The following HCRTR2 variants were observed in gnomAD, a reference collection of about 807,000 sequenced individuals.
The protein encoded by HCRTR2 is hypocretin receptor 2.
HCRTR2 carries 22 observed loss-of-function variants against 49.0 expected under a neutral mutation model. The observed-to-expected ratio is 0.45, with a 90% CI of 0.32 to 0.64. The LOEUF is 0.64. Among genes scored for constraint, HCRTR2 ranks in the 30% least tolerant of loss-of-function variants. The probability of loss-of-function intolerance (pLI) is 0.04; values close to 1 mark genes in which losing one functional copy is unlikely to be tolerated. For missense variants in HCRTR2, 491 were observed against 559.4 expected (o/e 0.88, Z 1.23); for synonymous variants, 236 against 205.3 (o/e 1.15, Z -1.28).
At chr6:55,275,062 T>C (rs1767052145) in intron 4 of HCRTR2, among the ~76,000 whole-genome samples, 1 of 152,150 alleles carries the variant, frequency 6.6e-6, no homozygotes, top group Admixed American at 6.5e-5. Context: ...GGCAAATTCA[T>C]TGTTTATTCA....
intron 1 of HCRTR2, among the ~76,000 whole-genome samples, chr6:55,182,372 G>GGTA (rs1194199011): frequency 6.6e-6 from 1 of 152,200 alleles, no homozygotes; most frequent in Non-Finnish European, 1.5e-5. Flanking sequence ...GGAGCTTACA[G>GGTA]CTTCTGGCTC....
rs546052891 is a variant in HCRTR2 at position 55,158,043 on chromosome 6, G to T, written c.-377-16168G>T. ...AGATGGCTGAATAGGAACAGCTCTG[G>T]TCTGCAGCTCCCAGTGAGATCAGTG... On this transcript the variant is annotated intron_variant, in intron 1 of 7. Coordinates refer to the HCRTR2 transcript ENST00000615358. Among the ~76,000 whole-genome samples the T allele has an allele frequency of 2.0e-5, 3 of 152,288 alleles. No homozygotes were observed. In the South Asian group the frequency reaches 6.2e-4, roughly 32 times the overall value.
chr6:55,132,196 G>A lies in HCRTR2; in HGVS notation c.-378+25651G>A, dbSNP rs1764368189. 2.0e-5 allele frequency among the ~76,000 whole-genome samples: 3 copies of A among 151,768 alleles called. No homozygotes were observed. The South Asian group carries it at 6.2e-4, about 31-fold the overall frequency. ...GTCTATTAAACACATACATATATATGATTTGTTAATTTAATAACAAGTTGT... is the reference window on the plus strand; with the variant it reads ...GTCTATTAAACACATACATATATATAATTTGTTAATTTAATAACAAGTTGT... On this transcript the variant is annotated intron_variant, in intron 1 of 7. Transcript: ENST00000615358.
chr6:55,199,979 T>C (rs1490005384), intron 1 of HCRTR2, among the ~76,000 whole-genome samples: 2 of 152,122 alleles, frequency 1.3e-5, no homozygotes. Context: ...GAGCAGAGTG[T>C]GGTGATTAAA....
intron 4 of HCRTR2, among the ~76,000 whole-genome samples, chr6:55,265,263 A>G (rs555456126): frequency 6.6e-6 from 1 of 152,056 alleles, no homozygotes; most frequent in Non-Finnish European, 1.5e-5. Context: ...CTTATATTTT[A>G]GGGTGTTTGT....
At chr6:55,198,007 G>T (rs192100247) in intron 1 of HCRTR2, among the ~76,000 whole-genome samples, 1 of 152,016 alleles carries the variant, frequency 6.6e-6, no homozygotes. Flanking sequence ...TCACTACAAA[G>T]GTCCCTCTAA....
At chr6:55,136,889 C>G (rs959566747) in intron 1 of HCRTR2, among the ~76,000 whole-genome samples, 1 of 152,190 alleles carries the variant, frequency 6.6e-6, no homozygotes, top group Non-Finnish European at 1.5e-5. Flanking sequence ...CACCTTGTGG[C>G]TATGGCATCT....
At chr6:55,257,323 T>C (rs1003257277) in intron 3 of HCRTR2, among the ~76,000 whole-genome samples, 1 of 152,084 alleles carries the variant, frequency 6.6e-6, no homozygotes, top group African/African-American at 2.4e-5. Flanking sequence ...GATTATATTA[T>C]TTTTTCAAGA....
chr6:55,167,131 G>T (rs567283812), intron 1 of HCRTR2, among the ~76,000 whole-genome samples: 1 of 152,086 alleles, frequency 6.6e-6, no homozygotes, highest in South Asian at 2.1e-4. Flanking sequence ...TCTCAAAATG[G>T]TTAAAACATT....
chr6:55,126,726 C>G (rs188711797), intron 1 of HCRTR2, among the ~76,000 whole-genome samples: 1 of 152,186 alleles, frequency 6.6e-6, no homozygotes, highest in African/African-American at 2.4e-5. Context: ...GGCGTTTTAT[C>G]TATAAGTCCC....
At chr6:55,246,819 A>C (rs972067085) in intron 1 of HCRTR2, among the ~76,000 whole-genome samples, 11 of 152,066 alleles carry the variant, frequency 7.2e-5, no homozygotes, top group Admixed American at 3.9e-4. Context: ...TAATTTAAAA[A>C]ATGCTTAGAA....
At chr6:55,131,694 A>G (rs1383190975) in intron 1 of HCRTR2, among the ~76,000 whole-genome samples, 1 of 151,860 alleles carries the variant, frequency 6.6e-6, no homozygotes, top group Admixed American at 6.6e-5. Flanking sequence ...GACAATTAAA[A>G]TGTTTTAGAT....
At chr6:55,229,440 T>A (rs891538455) in intron 1 of HCRTR2, among the ~76,000 whole-genome samples, 4 of 152,212 alleles carry the variant, frequency 2.6e-5, no homozygotes, top group Admixed American at 2.0e-4. Context: ...TGAAGAGATA[T>A]CTGCACTCTC....
At chr6:55,131,686 CAATT>C (rs1764356656) in intron 1 of HCRTR2, among the ~76,000 whole-genome samples, 1 of 151,736 alleles carries the variant, frequency 6.6e-6, no homozygotes, top group South Asian at 2.1e-4. Context: ...TGGAATAAGA[CAATT>C]AAAATGTTTT....
rs113631552 is a variant in HCRTR2, at chr6:55,245,024, C to A, written c.224-3615C>A. Reference sequence around the variant, plus strand: ...TATTATGTTCTATTGATCTATATGTCTATTTTTATACTATTAATAGTATCA... The same window carrying A: ...TATTATGTTCTATTGATCTATATGTATATTTTTATACTATTAATAGTATCA... On this transcript the variant is annotated intron_variant, in intron 1 of 6. Coordinates refer to ENST00000370862, the MANE Select transcript of HCRTR2 (RefSeq NM_001384272.1). Among the ~76,000 whole-genome samples the A allele has an allele frequency of 1.5e-3, 234 of 151,870 alleles. 3 individuals are homozygous for A. The highest frequency in any genetic ancestry group is 5.4e-3 in the African/African-American group (223 of 41,460).
intron 3 of HCRTR2, among the ~76,000 whole-genome samples, chr6:55,259,258 G>T (rs1325666346): frequency 6.6e-6 from 1 of 151,258 alleles, no homozygotes; most frequent in East Asian, 1.9e-4. Context: ...TACAGTCAAA[G>T]TAATTATGGC....
intron 1 of HCRTR2, among the ~76,000 whole-genome samples, chr6:55,133,559 T>A (rs987896549): frequency 2.0e-5 from 3 of 151,882 alleles, no homozygotes; most frequent in African/African-American, 7.2e-5. Context: ...CTCACTAACA[T>A]CAATTTTCAT....
At chr6:55,128,157 A>G (rs1190374439) in intron 1 of HCRTR2, among the ~76,000 whole-genome samples, 1 of 152,202 alleles carries the variant, frequency 6.6e-6, no homozygotes, top group African/African-American at 2.4e-5. Flanking sequence ...TAGTTATCCC[A>G]GCACCATTTA....
intron 1 of HCRTR2, among the ~76,000 whole-genome samples, chr6:55,205,774 T>A (rs1765590115): frequency 6.6e-6 from 1 of 152,132 alleles, no homozygotes. Flanking sequence ...TAGACGGGAT[T>A]GGAGAAATAC....
Sources: gnomAD v4.1 joint callset for allele counts (sites outside exome capture counted in the v4.1 genomes callset) on GRCh38, gnomAD v4.1.1 for gene constraint, MANE v1.5 for transcripts, NCBI Gene and HGNC (gene_info 2026-07-23, HGNC 2026-07-21) for gene names.